SLC41A2: variants seen among roughly 807,000 people sequenced by gnomAD.
SLC41A2 encodes solute carrier family 41 member 2, also known as SLC41A1-like 1.
In SLC41A2, 32 loss-of-function variants were observed where a neutral mutation model predicts 58.3. The observed-to-expected ratio is 0.55, with a 90% CI of 0.41 to 0.74. The LOEUF is 0.74. Among genes scored for constraint, SLC41A2 ranks in the 30% least tolerant of loss-of-function variants. The pLI, the probability that SLC41A2 is intolerant of heterozygous loss-of-function variation, is 0.00. For synonymous variants in SLC41A2, 190 were observed against 235.0 expected, an observed-to-expected ratio of 0.81 and a Z score of 1.75; for missense variants, 514 against 680.6, an observed-to-expected ratio of 0.76 and a Z score of 2.72.
At chr12:104,916,400 A>G (rs1172333721) in intron 2 of SLC41A2, among the ~76,000 whole-genome samples, 1 of 152,134 alleles carries the variant, frequency 6.6e-6, no homozygotes, top group Non-Finnish European at 1.5e-5. Flanking sequence ...CATTTTAGCC[A>G]AGGTAATTTA....
intron 1 of SLC41A2, among the ~76,000 whole-genome samples, chr12:104,951,121 T>C (rs1214282174): frequency 1.3e-5 from 2 of 152,246 alleles, no homozygotes; most frequent in Non-Finnish European, 1.5e-5. Flanking sequence ...CTTTTTCAAA[T>C]GGATTCCCAT....
rs2040795347 is a variant in SLC41A2 at position 104,803,952 on chromosome 12, A to G, written c.*1200T>C. On this transcript the variant is annotated 3_prime_UTR_variant, in exon 11 of 11. Transcript: ENST00000258538. ...TATATTAAATAGTACTACTTTTTAA[A>G]ATAAGAAATTATTAATTATTAATTA... 1 of 151,882 alleles carries G rather than the reference A, an allele frequency of 6.6e-6. No individual in the cohort carries two copies. The highest frequency in any genetic ancestry group is 6.6e-5 in the Admixed American group (1 of 15,220). 9.4% of individuals were successfully genotyped at this position (151,882 alleles called of 1,614,324 possible). A position where few individuals can be genotyped will look rare whatever the true frequency, so the allele number is the denominator to read the frequency against.
At chr12:104,887,548 A>C (rs923078460) in intron 5 of SLC41A2, among the ~76,000 whole-genome samples, 26 of 151,944 alleles carry the variant, frequency 1.7e-4, no homozygotes, top group Non-Finnish European at 1.9e-4. Context: ...TTGAAAAAGA[A>C]AAAAAGCTAT....
chr12:104,949,081 G>A (rs1236834433), intron 1 of SLC41A2, among the ~76,000 whole-genome samples: 2 of 152,146 alleles, frequency 1.3e-5, no homozygotes, highest in African/African-American at 4.8e-5. Flanking sequence ...GGGGCATGGT[G>A]GTGGTGCATG....
intron 6 of SLC41A2, among the ~76,000 whole-genome samples, chr12:104,866,894 A>G (rs1262926085): frequency 1.3e-5 from 2 of 152,154 alleles, no homozygotes; most frequent in Admixed American, 1.3e-4. Flanking sequence ...GGCTCCTACT[A>G]TATACCAAGT....
At chr12:104,933,400 G>A (rs900787542) in intron 1 of SLC41A2, among the ~76,000 whole-genome samples, 1 of 152,166 alleles carries the variant, frequency 6.6e-6, no homozygotes, top group Non-Finnish European at 1.5e-5. Flanking sequence ...CATGGATGTG[G>A]TGAAAAGAGA....
intron 7 of SLC41A2, among the ~76,000 whole-genome samples, chr12:104,863,645 T>C (rs2043295382): frequency 2.0e-5 from 3 of 152,156 alleles, no homozygotes; most frequent in South Asian, 2.1e-4. Flanking sequence ...CTTCCTACTA[T>C]GGCAGATGAG....
intron 2 of SLC41A2, among the ~76,000 whole-genome samples, chr12:104,919,167 C>T (rs1044389430): frequency 1.3e-5 from 2 of 152,176 alleles, no homozygotes; most frequent in African/African-American, 2.4e-5. Flanking sequence ...TAGGTTGTTG[C>T]ATGTGTCAAT....
At chr12:104,906,684 T>C (rs1003962685) in intron 3 of SLC41A2, among the ~76,000 whole-genome samples, 11 of 152,254 alleles carry the variant, frequency 7.2e-5, no homozygotes, top group African/African-American at 2.7e-4. Context: ...TCTCCATTTG[T>C]ATTGCTACCC....
intron 10 of SLC41A2, among the ~76,000 whole-genome samples, chr12:104,811,299 A>T (rs2468339): frequency 1.3e-5 from 2 of 152,056 alleles, no homozygotes; most frequent in African/African-American, 2.4e-5. Flanking sequence ...GGCTAAATTC[A>T]CTGTTAAGTC....
At chr12:104,934,557 T>C (rs2248978) in intron 1 of SLC41A2, among the ~76,000 whole-genome samples, 95,424 of 152,006 alleles carry the variant, frequency 0.63, 30,690 homozygotes, top group African/African-American at 0.77. Context: ...GTTAAAATCA[T>C]GGCTTGGGAT....
At chr12:104,811,125 C>G (rs1375964920) in intron 10 of SLC41A2, among the ~76,000 whole-genome samples, 1 of 152,140 alleles carries the variant, frequency 6.6e-6, no homozygotes, top group Non-Finnish European at 1.5e-5. Flanking sequence ...GCTCTGCTGA[C>G]TCTAGGTCTT....
At chr12:104,881,967 T>A (rs1565869497) in intron 6 of SLC41A2, among the ~76,000 whole-genome samples, 6 of 152,168 alleles carry the variant, frequency 3.9e-5, no homozygotes, top group Non-Finnish European at 8.8e-5. Context: ...TTTGTAGGTC[T>A]CTCAGGACTT....
chr12:104,847,561 C>T (rs1046802033), intron 8 of SLC41A2, among the ~76,000 whole-genome samples: 2 of 141,004 alleles, frequency 1.4e-5, no homozygotes, highest in Admixed American at 1.5e-4. Context: ...GCTGAGATCA[C>T]ACCACTGCAC....
chr12:104,927,555 G>C (rs2046890612), intron 2 of SLC41A2, among the ~76,000 whole-genome samples: 1 of 152,154 alleles, frequency 6.6e-6, no homozygotes, highest in South Asian at 2.1e-4. Flanking sequence ...ATAATCTCTG[G>C]AGAGGAGGAG....
intron 10 of SLC41A2, among the ~76,000 whole-genome samples, chr12:104,809,345 A>T (rs995659165): frequency 1.3e-5 from 2 of 150,402 alleles, no homozygotes; most frequent in Non-Finnish European, 3.0e-5. Flanking sequence ...CTTGGGACCC[A>T]AACTGCTGTG....
Position 104,805,261 on chromosome 12 carries a change from G to C in SLC41A2, c.1613C>G (p.Ser538Cys). 2 of 1,613,922 alleles carry C rather than the reference G, an allele frequency of 1.2e-6. No individual in the cohort carries two copies. Among genetic ancestry groups the C allele is most frequent in the Non-Finnish European group, 1.7e-6 (2 of 1,179,854 alleles). ...ACCCAATGCTGTTAGGTAGGGGATG[G>C]AGAAACTATCCGGGTCCTTTCCTTT... ...WRKGKDPDSF[S>C]IPYLTALGDL... Residue 538 changes from serine (S) to cysteine (C), a missense_variant, in exon 11 of 11, where the codon TCC becomes TGC. By Grantham distance (112) the Ser-to-Cys change is moderately radical (BLOSUM62 -1). This residue lies in a region of SLC41A2 where 128 missense variants were observed against 146.0 expected (regional missense o/e 0.88). Coordinates refer to ENST00000258538, the MANE Select transcript of SLC41A2 (RefSeq NM_001352171.3).
chr12:104,901,803 G>A (rs528698026), intron 3 of SLC41A2, among the ~76,000 whole-genome samples: 3 of 152,182 alleles, frequency 2.0e-5, no homozygotes, highest in Admixed American at 6.5e-5. Context: ...ATCTGTGAAC[G>A]TTTGGTCTTT....
At chr12:104,905,334 G>A (rs1216482311) in intron 3 of SLC41A2, among the ~76,000 whole-genome samples, 6 of 152,328 alleles carry the variant, frequency 3.9e-5, no homozygotes, top group African/African-American at 1.2e-4. Context: ...GTGTCGATTG[G>A]TGCACTCCCA....
Sources: allele counts gnomAD v4.1 joint callset (sites outside exome capture counted in the v4.1 genomes callset), GRCh38; gene constraint gnomAD v4.1.1; regional missense constraint gnomAD v4.1.1; transcripts MANE v1.5; gene names NCBI Gene and HGNC (gene_info 2026-07-23, HGNC 2026-07-21).